FHIT: variants seen among roughly 807,000 people sequenced by gnomAD.
FHIT encodes the protein bis(5'-adenosyl)-triphosphatase.
A neutral mutation model predicts 17.9 loss-of-function variants in FHIT; 19 were observed. The ratio of observed to expected loss-of-function variants is 1.06; its 90% CI spans 0.74 to 1.56. The LOEUF is 1.56. FHIT is among the 40% of genes most tolerant of loss of function. The probability of loss-of-function intolerance (pLI) is 0.00; values close to 1 mark genes in which losing one functional copy is unlikely to be tolerated. For missense variants in FHIT, 248 were observed against 189.2 expected (o/e 1.31, Z -1.82); for synonymous variants, 81 against 69.7 (o/e 1.16, Z -0.81).
At chr3:60,140,265 T>G (rs147978014) in intron 5 of FHIT, among the ~76,000 whole-genome samples, 2 of 152,168 alleles carry the variant, frequency 1.3e-5, no homozygotes, top group African/African-American at 2.4e-5. Context: ...ATTCTGATGA[T>G]AGTGCCTCAA....
chr3:60,046,554 T>C (rs1701662165), intron 5 of FHIT, among the ~76,000 whole-genome samples: 1 of 152,134 alleles, frequency 6.6e-6, no homozygotes, highest in African/African-American at 2.4e-5. Context: ...TAGGACTTGT[T>C]CACAAATTTA....
intron 5 of FHIT, among the ~76,000 whole-genome samples, chr3:60,253,078 T>C (rs1194731056): frequency 6.6e-6 from 1 of 152,124 alleles, no homozygotes; most frequent in East Asian, 1.9e-4. Context: ...GAGTTTCTAC[T>C]GTAGTACACC....
intron 5 of FHIT, among the ~76,000 whole-genome samples, chr3:60,500,846 A>G (rs6764060): frequency 0.36 from 54,706 of 150,456 alleles, 10,112 homozygotes; most frequent in East Asian, 0.47. Flanking sequence ...ATCATAAAGA[A>G]CTAACACAGT....
At chr3:61,238,883 T>A (rs2040296813) in intron 1 of FHIT, among the ~76,000 whole-genome samples, 1 of 152,196 alleles carries the variant, frequency 6.6e-6, no homozygotes, top group Non-Finnish European at 1.5e-5. Context: ...GGCAGAGAAG[T>A]CAAATCAGGA....
At chr3:59,929,749 T>C (rs935147059) in intron 7 of FHIT, among the ~76,000 whole-genome samples, 3 of 151,914 alleles carry the variant, frequency 2.0e-5, no homozygotes, top group African/African-American at 7.3e-5. Context: ...GCATAGAAAA[T>C]CTGGAAGAGA....
intron 4 of FHIT, among the ~76,000 whole-genome samples, chr3:60,578,836 A>C (rs551508525): frequency 1.3e-5 from 2 of 152,268 alleles, no homozygotes; most frequent in Non-Finnish European, 2.9e-5. Flanking sequence ...ATATAGGTAC[A>C]TTTCCCAATT....
At position 60,124,626 on chromosome 3, in the gene FHIT, A is replaced by G. The variant is rs78062080; in HGVS notation, c.104-110474T>C. Among the ~76,000 whole-genome samples the G allele has an allele frequency of 4.7e-3, 716 of 152,296 alleles. 2 individuals are homozygous for G. The highest frequency in any genetic ancestry group is 0.016 in the African/African-American group (670 of 41,574). On this transcript the variant is annotated intron_variant, in intron 5 of 9. Transcript: ENST00000492590. ...ATCTTCTTTAATCAAAGTGTCATCT[A>G]ATTCACATTTAGCCATCAGAAGCAT... is the stretch of plus-strand genomic sequence containing the variant.
chr3:60,334,550 G>T (rs1375773400), intron 5 of FHIT, among the ~76,000 whole-genome samples: 1 of 152,182 alleles, frequency 6.6e-6, no homozygotes, highest in Non-Finnish European at 1.5e-5. Flanking sequence ...ACTTTGGGAG[G>T]CCAAGGCAGG....
chr3:59,818,034 G>A (rs1700663699), intron 8 of FHIT, among the ~76,000 whole-genome samples: 2 of 152,084 alleles, frequency 1.3e-5, no homozygotes, highest in Admixed American at 1.3e-4. Context: ...TGAGGCTGGT[G>A]GGAAAGGAAT....
intron 5 of FHIT, among the ~76,000 whole-genome samples, chr3:60,135,910 T>G (rs1476250902): frequency 6.6e-6 from 1 of 152,170 alleles, no homozygotes; most frequent in Non-Finnish European, 1.5e-5. Context: ...CCACCTAAAC[T>G]GTCCATCATC....
intron 4 of FHIT, among the ~76,000 whole-genome samples, chr3:60,760,730 T>C (rs1699620094): frequency 6.6e-6 from 1 of 152,162 alleles, no homozygotes; most frequent in African/African-American, 2.4e-5. Flanking sequence ...ACATGGCAAC[T>C]TGAAATTATG....
intron 3 of FHIT, among the ~76,000 whole-genome samples, chr3:60,859,955 A>G (rs1184331258): frequency 4.0e-5 from 6 of 150,064 alleles, no homozygotes; most frequent in African/African-American, 1.5e-4. Context: ...GAGGTAGGAG[A>G]ATTGCTTGAA....
intron 3 of FHIT, among the ~76,000 whole-genome samples, chr3:60,855,235 C>A (rs1390404910): frequency 6.6e-6 from 1 of 152,082 alleles, no homozygotes; most frequent in Non-Finnish European, 1.5e-5. Context: ...CCAATCATGG[C>A]GATACTATGT....
At chr3:61,171,554 A>G (rs1310958295) in intron 2 of FHIT, among the ~76,000 whole-genome samples, 1 of 152,218 alleles carries the variant, frequency 6.6e-6, no homozygotes, top group African/African-American at 2.4e-5. Flanking sequence ...ACACTAAAAC[A>G]GAAACTAAAC....
intron 5 of FHIT, among the ~76,000 whole-genome samples, chr3:60,252,209 G>A (rs147964617): frequency 1.9e-4 from 29 of 152,220 alleles, no homozygotes; most frequent in Non-Finnish European, 3.4e-4. Flanking sequence ...TGAATCAGAC[G>A]AGAGGAAATA....
chr3:60,951,455 C>T (rs1708882039), intron 3 of FHIT, among the ~76,000 whole-genome samples: 2 of 152,124 alleles, frequency 1.3e-5, no homozygotes, highest in Non-Finnish European at 2.9e-5. Flanking sequence ...TAAGGCAGCC[C>T]ATGACCAAAA....
At chr3:60,453,759 T>C (rs542998885) in intron 5 of FHIT, among the ~76,000 whole-genome samples, 1 of 152,324 alleles carries the variant, frequency 6.6e-6, no homozygotes, top group East Asian at 1.9e-4. Flanking sequence ...ATATGCCCAG[T>C]GAATATCAGC....
chr3:60,583,491 G>A (rs902333892), intron 4 of FHIT, among the ~76,000 whole-genome samples: 3 of 152,036 alleles, frequency 2.0e-5, no homozygotes, highest in East Asian at 1.9e-4. Flanking sequence ...GGATATAGAT[G>A]ACAGACGATA....
intron 4 of FHIT, among the ~76,000 whole-genome samples, chr3:60,629,758 A>G (rs1264268457): frequency 3.3e-5 from 5 of 152,154 alleles, no homozygotes; most frequent in Non-Finnish European, 7.3e-5. Context: ...GCTTTAATGT[A>G]TCTAGGTAGA....
Sources: gnomAD v4.1 joint callset for allele counts (sites outside exome capture counted in the v4.1 genomes callset) on GRCh38, gnomAD v4.1.1 for gene constraint, MANE v1.5 for transcripts, NCBI Gene and HGNC (gene_info 2026-07-23, HGNC 2026-07-21) for gene names.